PTPRN2: variants seen among roughly 807,000 people sequenced by gnomAD.
PTPRN2 encodes protein tyrosine phosphatase receptor type N2, also known as receptor-type tyrosine-protein phosphatase N2.
Under a neutral mutation model 118.8 loss-of-function variants are expected in PTPRN2, and 74 were observed. The observed-to-expected ratio is 0.62, with a 90% confidence interval of 0.52 to 0.76. The LOEUF (loss-of-function observed/expected upper bound fraction) is 0.76. Among genes scored for constraint, PTPRN2 ranks in the 30% least tolerant of loss-of-function variants. The pLI, the probability that PTPRN2 is intolerant of heterozygous loss-of-function variation, is 0.00. For synonymous variants in PTPRN2, 641 were observed against 608.0 expected, an observed-to-expected ratio of 1.05 and a Z score of -0.80; for missense variants, 1,481 against 1,394.4, an observed-to-expected ratio of 1.06 and a Z score of -0.99.
rs142542816 is a variant in PTPRN2, at chr7:158,316,682, C to A, written c.277+137G>T. On this transcript the variant is annotated intron_variant, in intron 3 of 22. Coordinates refer to ENST00000389418, the MANE Select transcript of PTPRN2 (RefSeq NM_002847.5). ...AGGAAGCACCCATGAGCCCAGCGCC[C>A]GGCTCCCACCTGCCCCTTCCACCAC... 6 of 650,958 alleles carry A rather than the reference C, an allele frequency of 9.2e-6. No homozygotes were observed. The South Asian group carries it at 1.2e-4, about 13-fold the overall frequency. The allele number at this position is 650,958 out of a possible 1,614,324, so 40.3% of individuals were successfully genotyped here.
At chr7:157,827,157 C>G (rs1807230880) in intron 12 of PTPRN2, among the ~76,000 whole-genome samples, 1 of 152,100 alleles carries the variant, frequency 6.6e-6, no homozygotes. Context: ...TCATCCAAAA[C>G]CTAACCCTAA....
intron 9 of PTPRN2, among the ~76,000 whole-genome samples, chr7:158,131,069 A>T (rs1818203986): frequency 1.2e-5 from 1 of 85,988 alleles, no homozygotes; most frequent in African/African-American, 5.7e-5. Flanking sequence ...TGCCCAACAC[A>T]CACACTTATA....
intron 11 of PTPRN2, among the ~76,000 whole-genome samples, chr7:157,992,768 TC>T (rs756867744): frequency 2.8e-3 from 429 of 152,274 alleles, no homozygotes; most frequent in African/African-American, 9.6e-3. Context: ...TTGTGGACTG[TC>T]CTCCAGAGTC....
At chr7:157,749,967 T>G (rs1214515420) in intron 12 of PTPRN2, among the ~76,000 whole-genome samples, 1 of 150,034 alleles carries the variant, frequency 6.7e-6, no homozygotes, top group Non-Finnish European at 1.5e-5. Flanking sequence ...CCCCGAGCTG[T>G]GGGCTGTTCA....
intron 12 of PTPRN2, among the ~76,000 whole-genome samples, chr7:157,795,144 A>G (rs576099305): frequency 1.7e-5 from 2 of 115,580 alleles, no homozygotes; most frequent in African/African-American, 6.9e-5. Flanking sequence ...TGCATCTAGG[A>G]GGCACTTCGG....
chr7:157,993,163 A>G (rs1804380116), intron 11 of PTPRN2, among the ~76,000 whole-genome samples: 1 of 152,172 alleles, frequency 6.6e-6, no homozygotes, highest in African/African-American at 2.4e-5. Context: ...TTTTCCCACA[A>G]CATATTATGG....
intron 3 of PTPRN2, among the ~76,000 whole-genome samples, chr7:158,224,794 G>T (rs924576666): frequency 6.6e-6 from 1 of 152,142 alleles, no homozygotes; most frequent in African/African-American, 2.4e-5. Flanking sequence ...AACAATGAGC[G>T]CAGAGTTGGA....
intron 2 of PTPRN2, among the ~76,000 whole-genome samples, chr7:158,454,810 G>T (rs1384278199): frequency 1.3e-5 from 2 of 152,144 alleles, no homozygotes; most frequent in Admixed American, 1.3e-4. Flanking sequence ...GCCTCTTTTG[G>T]CCACTCTGTT....
At position 158,521,566 on chromosome 7, in the gene PTPRN2, A is replaced by AGTGG; in HGVS notation, c.113-31782_113-31781insCCAC. On this transcript the variant is annotated intron_variant, in intron 1 of 22. Coordinates refer to ENST00000389418, the MANE Select transcript of PTPRN2 (RefSeq NM_002847.5). ...CATCGGAATGGTGGACTGTCCAGGTACTGGCTCAGGGGGGAGGTCCACGTC... is the reference window on the plus strand; with the variant it reads ...CATCGGAATGGTGGACTGTCCAGGTAGTGGCTGGCTCAGGGGGGAGGTCCACGTC... 1.6e-5 allele frequency among the ~76,000 whole-genome samples: 2 copies of AGTGG among 122,434 alleles called. 1 individual carries two copies. Among genetic ancestry groups the AGTGG allele is most frequent in the Admixed American group, 1.6e-4 (2 of 12,860 alleles). The allele number at this position is 122,434 out of a possible 152,430, so 80.3% of individuals were successfully genotyped here. A position where few individuals can be genotyped will look rare whatever the true frequency, so the allele number is the denominator to read the frequency against.
intron 15 of PTPRN2, chr7:157,616,617 G>C (rs1802789337): frequency 6.6e-6 from 1 of 152,172 alleles, no homozygotes. Context: ...CAAAAGGGGT[G>C]AAGGGAAGGC....
In PTPRN2 at chr7:158,533,726, TCCTTTCG is replaced by T. The variant is rs1825421994; in HGVS notation, c.113-43948_113-43942del. 3.9e-5 allele frequency among the ~76,000 whole-genome samples: 6 copies of T among 152,298 alleles called. No individual in the cohort carries two copies. In the South Asian group the frequency reaches 1.2e-3, roughly 32 times the overall value. On this transcript the variant is annotated intron_variant, in intron 1 of 22. Transcript: ENST00000389418. ...ATGAAGCTCTCACCTATAACGGACA[TCCTTTCG>T]CCACCACACAGCATTTACCAAGCTT... is the stretch of plus-strand genomic sequence containing the variant.
chr7:158,046,131 G>T (rs1468930137), intron 11 of PTPRN2, among the ~76,000 whole-genome samples: 1 of 149,986 alleles, frequency 6.7e-6, no homozygotes, highest in Admixed American at 6.6e-5. Context: ...CTGGCGTCCT[G>T]ACACTGCAAT....
chr7:158,108,244 C>T (rs1266130491), intron 10 of PTPRN2, among the ~76,000 whole-genome samples: 1 of 151,176 alleles, frequency 6.6e-6, no homozygotes, highest in Non-Finnish European at 1.5e-5. Context: ...CCCACTATAG[C>T]CCCACAAATA....
intron 3 of PTPRN2, among the ~76,000 whole-genome samples, chr7:158,226,189 G>A (rs1046872979): frequency 3.9e-5 from 6 of 152,094 alleles, no homozygotes; most frequent in African/African-American, 1.2e-4. Context: ...AAGATAATAG[G>A]GAGAAGGGAA....
At chr7:157,966,797 A>G (rs1801971875) in intron 11 of PTPRN2, among the ~76,000 whole-genome samples, 1 of 151,946 alleles carries the variant, frequency 6.6e-6, no homozygotes, top group African/African-American at 2.4e-5. Flanking sequence ...CATCATCTTC[A>G]TCACCACCAT....
chr7:157,858,026 C>G lies in PTPRN2; in HGVS notation c.1788+40647G>C, dbSNP rs534651538. Among the ~76,000 whole-genome samples the G allele has an allele frequency of 6.6e-5, 10 of 152,256 alleles. No individual in the cohort carries two copies. The South Asian group carries it at 2.1e-3, about 32-fold the overall frequency. On this transcript the variant is annotated intron_variant, in intron 12 of 22. Coordinates refer to ENST00000389418, the MANE Select transcript of PTPRN2 (RefSeq NM_002847.5). ...GGCCTGAAAAGAAACACGGCCTTTG[C>G]TGGTTCTCTGAGTCAGCCCCCCAGC...
At chr7:158,279,675 C>T (rs984334173) in intron 3 of PTPRN2, among the ~76,000 whole-genome samples, 3 of 152,156 alleles carry the variant, frequency 2.0e-5, no homozygotes, top group Non-Finnish European at 4.4e-5. Context: ...CGCCGGCCCA[C>T]AAGCCCCGTG....
intron 11 of PTPRN2, among the ~76,000 whole-genome samples, chr7:157,920,048 A>G (rs1798613815): frequency 6.6e-6 from 1 of 152,202 alleles, no homozygotes; most frequent in Non-Finnish European, 1.5e-5. Context: ...AGGAGGCTGT[A>G]GCATCTACAG....
In PTPRN2 at chr7:158,364,059, T is replaced by C. The variant is rs376917261; in HGVS notation, c.164-47127A>G. Among the ~76,000 whole-genome samples the C allele has an allele frequency of 1.1e-4, 16 of 152,338 alleles. 1 individual carries two copies. The South Asian group carries it at 3.3e-3, about 32-fold the overall frequency. ...AACGATGAGGCAGTCAGTGACCTTC[T>C]AGCCAATGGGGCTTTGGGAACCAAA... is the stretch of plus-strand genomic sequence containing the variant. On this transcript the variant is annotated intron_variant, in intron 2 of 22. Coordinates refer to ENST00000389418, the MANE Select transcript of PTPRN2 (RefSeq NM_002847.5).
Sources: allele counts gnomAD v4.1 joint callset (sites outside exome capture counted in the v4.1 genomes callset), GRCh38; gene constraint gnomAD v4.1.1; transcripts MANE v1.5; gene names NCBI Gene and HGNC (gene_info 2026-07-23, HGNC 2026-07-21).